The following GRB10 variants were observed in gnomAD, a reference collection of about 807,000 sequenced individuals.
GRB10 encodes the protein growth factor receptor-bound protein 10.
Under a neutral mutation model 80.9 loss-of-function variants are expected in GRB10, and 20 were observed. The ratio of observed to expected loss-of-function variants is 0.25; its 90% CI spans 0.17 to 0.36. GRB10 has a LOEUF of 0.36. Among genes scored for constraint, GRB10 ranks in the 10% least tolerant of loss-of-function variants. The probability of loss-of-function intolerance (pLI) is 1.00; values close to 1 mark genes in which losing one functional copy is unlikely to be tolerated. For synonymous variants in GRB10, 291 were observed against 291.5 expected (o/e 1.00, Z 0.02); for missense variants, 548 against 747.7 (o/e 0.73, Z 3.12).
At position 50,592,890 on chromosome 7, in the gene GRB10, C is replaced by A; in HGVS notation, c.*62G>T. 2.5e-6 allele frequency: 4 copies of A among 1,585,690 alleles called. No individual in the cohort carries two copies. Among genetic ancestry groups the A allele is most frequent in the Non-Finnish European group, 3.5e-6 (4 of 1,155,050 alleles). On this transcript the variant is annotated 3_prime_UTR_variant, in exon 19 of 19. Transcript: ENST00000401949. ...TCGATGTGTGTTCTTCACCAACGCA[C>A]AGACCGCTTCTTCACTCCAGTGTTC...
At chr7:50,688,515 G>A (rs77032835) in intron 5 of GRB10, among the ~76,000 whole-genome samples, 2,942 of 152,268 alleles carry the variant, frequency 0.019, 107 homozygotes, top group African/African-American at 0.067. Context: ...GCTAGGGGCA[G>A]CCCATAGACA....
At chr7:50,763,908 A>G (rs1333684660) in intron 2 of GRB10, among the ~76,000 whole-genome samples, 1 of 152,116 alleles carries the variant, frequency 6.6e-6, no homozygotes, top group Non-Finnish European at 1.5e-5. Context: ...AGGTGACACC[A>G]TTGCCCTCTG....
chr7:50,700,396 G>C (rs1029972453), intron 5 of GRB10, among the ~76,000 whole-genome samples: 1 of 152,092 alleles, frequency 6.6e-6, no homozygotes, highest in Non-Finnish European at 1.5e-5. Flanking sequence ...CTCTTACCAT[G>C]ATTTTCTTGG....
chr7:50,682,784 C>G (rs971639984), intron 5 of GRB10, among the ~76,000 whole-genome samples: 3 of 152,128 alleles, frequency 2.0e-5, no homozygotes, highest in Admixed American at 6.5e-5. Flanking sequence ...TAGTAACTGT[C>G]AGCATATATT....
intron 4 of GRB10, among the ~76,000 whole-genome samples, chr7:50,730,433 C>T (rs978831228): frequency 1.3e-5 from 2 of 152,092 alleles, no homozygotes; most frequent in South Asian, 2.1e-4. Context: ...AATATAATTA[C>T]GACTGCTCAA....
intron 5 of GRB10, among the ~76,000 whole-genome samples, chr7:50,691,529 A>T (rs1044498991): frequency 1.3e-5 from 2 of 152,252 alleles, no homozygotes; most frequent in African/African-American, 4.8e-5. Flanking sequence ...CTACTACTAT[A>T]GCTGGAGAAG....
intron 4 of GRB10, among the ~76,000 whole-genome samples, chr7:50,730,789 G>A (rs1480472773): frequency 6.6e-6 from 1 of 152,194 alleles, no homozygotes; most frequent in Non-Finnish European, 1.5e-5. Flanking sequence ...GCCAGGAAGG[G>A]AAGGGAAGCT....
intron 15 of GRB10, chr7:50,604,862 G>A (rs903937084): frequency 2.8e-5 from 8 of 287,592 alleles, no homozygotes; most frequent in Non-Finnish European, 5.3e-5. Flanking sequence ...CTTCCCACCT[G>A]GAGATTAAGA....
chr7:50,754,111 A>G (rs917632241), intron 3 of GRB10, among the ~76,000 whole-genome samples: 13 of 152,214 alleles, frequency 8.5e-5, no homozygotes, highest in Non-Finnish European at 1.9e-4. Context: ...GCACTCCCTG[A>G]TTCAGCTTCG....
chr7:50,635,822 T>C (rs1030758411), intron 7 of GRB10, among the ~76,000 whole-genome samples: 3 of 150,624 alleles, frequency 2.0e-5, no homozygotes, highest in African/African-American at 7.3e-5. Flanking sequence ...CTTCCTGAGA[T>C]TGAATCAGGA....
In GRB10 at chr7:50,782,500, C is replaced by T. The variant is rs1432406952; in HGVS notation, c.-403G>A. ...CCGGCCCGGGTAGGGCTTCGGGGCC[C>T]GGCCCCCGCAGTGCCCGGCGCGTGG... On this transcript the variant is annotated 5_prime_UTR_variant, in exon 1 of 19. Coordinates refer to ENST00000401949, the MANE Select transcript of GRB10 (RefSeq NM_001350814.2). The surrounding 1 kb of genome is among the most constrained non-coding windows in gnomAD (Gnocchi z 6.6). 1 of 150,014 alleles carries T rather than the reference C, an allele frequency of 6.7e-6. No individual in the cohort carries two copies. Among genetic ancestry groups the T allele is most frequent in the Non-Finnish European group, 1.5e-5 (1 of 67,254 alleles). The allele number at this position is 150,014 out of a possible 1,614,324, so 9.3% of individuals were successfully genotyped here.
At chr7:50,698,169 A>AT (rs1054657734) in intron 5 of GRB10, among the ~76,000 whole-genome samples, 14 of 152,012 alleles carry the variant, frequency 9.2e-5, no homozygotes, top group South Asian at 4.2e-4. Flanking sequence ...TATTTATAGG[A>AT]TTTTTTTTAC....
At chr7:50,605,882 G>A (rs926630869) in intron 14 of GRB10, among the ~76,000 whole-genome samples, 7 of 152,206 alleles carry the variant, frequency 4.6e-5, no homozygotes, top group African/African-American at 1.7e-4. Flanking sequence ...AGAAGATGAA[G>A]TGCTTCTGCT....
At chr7:50,639,520 A>G (rs192086055) in intron 7 of GRB10, among the ~76,000 whole-genome samples, 1 of 152,270 alleles carries the variant, frequency 6.6e-6, no homozygotes, top group Admixed American at 6.5e-5. Flanking sequence ...AAAAATACAA[A>G]AAATTAGCCG....
intron 2 of GRB10, among the ~76,000 whole-genome samples, chr7:50,759,154 A>G (rs951698315): frequency 2.7e-5 from 4 of 149,928 alleles, no homozygotes; most frequent in African/African-American, 9.8e-5. Flanking sequence ...GATCACACCA[A>G]TGCACTCCAG....
At position 50,770,619 on chromosome 7, in the gene GRB10, C is replaced by T. The variant is rs570186688; in HGVS notation, c.-217+10008G>A. ...TGTGTCCTTGTCCCTTGCATTCCGT[C>T]GCGAATGCACAGCGGAGTTTTCTAG... is the stretch of plus-strand genomic sequence containing the variant. On this transcript the variant is annotated intron_variant, in intron 2 of 18. Coordinates refer to ENST00000401949, the MANE Select transcript of GRB10 (RefSeq NM_001350814.2). 7.9e-5 allele frequency among the ~76,000 whole-genome samples: 12 copies of T among 152,244 alleles called. No homozygotes were observed. In the South Asian group the frequency reaches 2.5e-3, roughly 32 times the overall value.
intron 3 of GRB10, among the ~76,000 whole-genome samples, chr7:50,743,855 T>C (rs975551799): frequency 6.6e-6 from 1 of 152,114 alleles, no homozygotes; most frequent in African/African-American, 2.4e-5. Context: ...AATGCAGTGA[T>C]CCAACTGATC....
At chr7:50,786,058 A>G (rs762804832), upstream of GRB10, among the ~76,000 whole-genome samples, 36 of 152,160 alleles carry the variant, frequency 2.4e-4, no homozygotes, top group Non-Finnish European at 4.0e-4. Flanking sequence ...TGTAAACCTG[A>G]AACTGCTCTA....
chr7:50,641,516 C>T (rs1180119967), intron 7 of GRB10, among the ~76,000 whole-genome samples: 4 of 152,172 alleles, frequency 2.6e-5, no homozygotes, highest in African/African-American at 4.8e-5. Context: ...ACATTTAGAA[C>T]AGATAAGGAA....
Sources: allele counts gnomAD v4.1 joint callset (sites outside exome capture counted in the v4.1 genomes callset), GRCh38; gene constraint gnomAD v4.1.1; non-coding constraint Gnocchi (gnomAD v3.1); transcripts MANE v1.5; gene names NCBI Gene and HGNC (gene_info 2026-07-23, HGNC 2026-07-21).